The following PRH1 variants were observed in gnomAD, a reference collection of about 807,000 sequenced individuals.
The protein encoded by PRH1 is proline rich protein HaeIII subfamily 1, also known as salivary acidic proline-rich phosphoprotein 1/2.
PRH1 carries 7 observed loss-of-function variants against 7.9 expected under a neutral mutation model. That is an observed-to-expected ratio of 0.89 (90% CI 0.50 to 1.67). The LOEUF (loss-of-function observed/expected upper bound fraction) is 1.67. Ranked by LOEUF, PRH1 falls within the 40% of genes most tolerant of loss-of-function variation. PRH1 has a pLI of 0.00. For missense variants in PRH1, 109 were observed against 223.6 expected, an observed-to-expected ratio of 0.49 and a Z score of 3.27; for synonymous variants, 45 against 80.8, an observed-to-expected ratio of 0.56 and a Z score of 2.38.
intron 1 of PRH1, among the ~76,000 whole-genome samples, chr12:11,059,371 A>G (rs1943493973): frequency 6.6e-6 from 1 of 152,146 alleles, no homozygotes; most frequent in Non-Finnish European, 1.5e-5. Flanking sequence ...TATCCTTGCC[A>G]TTTTTGTCTT....
chr12:11,170,486 G>T (rs978777506), intron 1 of PRH1, among the ~76,000 whole-genome samples: 11 of 152,246 alleles, frequency 7.2e-5, no homozygotes, highest in Non-Finnish European at 1.3e-4. Flanking sequence ...GGCGGAGCTT[G>T]CAGTGAGCCG....
chr12:11,037,539 TATTTA>T (rs1369923291), intron 1 of PRH1, among the ~76,000 whole-genome samples: 24 of 152,352 alleles, frequency 1.6e-4, no homozygotes, highest in African/African-American at 4.3e-4. Flanking sequence ...TGGATATATT[TATTTA>T]ATTTAATATC....
chr12:11,083,531 A>AAC lies in PRH1; in HGVS notation n.124-36345_124-36344dup, dbSNP rs1198599283. ...AAATATTTTTATTATTGTGAAACAT[A>AAC]ACATACATATATATATAAAGTAATA... is the stretch of plus-strand genomic sequence containing the variant. On this transcript the variant is annotated intron_variant and non_coding_transcript_variant, in intron 1 of 4. Transcript: ENST00000541977. Among the ~76,000 whole-genome samples, 5 of 13,110 alleles carry AAC rather than the reference A, an allele frequency of 3.8e-4. No homozygotes were observed. In the East Asian group the frequency reaches 8.7e-3, roughly 23 times the overall value. The allele number at this position is 13,110 out of a possible 152,430, so 8.6% of individuals were successfully genotyped here.
At chr12:10,964,895 A>G (rs570561048) in intron 2 of PRH1, 3 of 572,378 alleles carry the variant, frequency 5.2e-6, no homozygotes, top group Non-Finnish European at 6.5e-6. Context: ...TTTTGTCCAC[A>G]TACTCTCATC....
intron 2 of PRH1, among the ~76,000 whole-genome samples, chr12:10,902,860 G>T (rs1949742888): frequency 6.6e-6 from 1 of 152,114 alleles, no homozygotes; most frequent in South Asian, 2.1e-4. Flanking sequence ...TCTTACAAGA[G>T]ATCCTTAAGG....
intron 2 of PRH1, among the ~76,000 whole-genome samples, chr12:10,902,204 A>C (rs1032906712): frequency 1.3e-5 from 2 of 152,128 alleles, no homozygotes; most frequent in Admixed American, 1.3e-4. Context: ...AACTTACTTA[A>C]GGAATTATAA....
At chr12:10,920,215 A>C (rs1482136600) in intron 2 of PRH1, among the ~76,000 whole-genome samples, 1 of 150,748 alleles carries the variant, frequency 6.6e-6, no homozygotes, top group Non-Finnish European at 1.5e-5. Flanking sequence ...CTTGCTATCT[A>C]CTGGATACCC....
intron 1 of PRH1, among the ~76,000 whole-genome samples, chr12:11,045,903 T>G (rs2136135898): frequency 6.6e-6 from 1 of 152,278 alleles, no homozygotes; most frequent in Admixed American, 6.5e-5. Context: ...TAAATAAATA[T>G]AACTTTTATT....
intron 2 of PRH1, among the ~76,000 whole-genome samples, chr12:10,936,538 T>G (rs1950291477): frequency 6.6e-6 from 1 of 152,054 alleles, no homozygotes; most frequent in South Asian, 2.1e-4. Flanking sequence ...CCCCAAAACT[T>G]TCCTTTATGT....
chr12:11,091,752 C>T, intron 1 of PRH1: 1 of 1,329,628 alleles, frequency 7.5e-7, no homozygotes. Context: ...GTCATGTTTC[C>T]TTCAAATTCT....
intron 1 of PRH1, among the ~76,000 whole-genome samples, chr12:11,163,065 T>G (rs1456226404): frequency 1.3e-5 from 2 of 152,196 alleles, no homozygotes; most frequent in Non-Finnish European, 2.9e-5. Flanking sequence ...AGAATGGTAT[T>G]GTCAAAAGCT....
intron 1 of PRH1, among the ~76,000 whole-genome samples, chr12:11,032,519 C>T (rs1427673706): frequency 6.6e-6 from 1 of 152,112 alleles, no homozygotes; most frequent in African/African-American, 2.4e-5. Context: ...ATGTGCACAC[C>T]ACTTATGAAT....
intron 1 of PRH1, among the ~76,000 whole-genome samples, chr12:11,146,239 T>C (rs1222728185): frequency 6.6e-5 from 10 of 151,072 alleles, no homozygotes; most frequent in Non-Finnish European, 1.0e-4. Context: ...AGTCTTTTTC[T>C]AGTATTCATT....
intron 1 of PRH1, among the ~76,000 whole-genome samples, chr12:11,156,742 A>G (rs1947260821): frequency 6.6e-6 from 1 of 152,172 alleles, no homozygotes; most frequent in Non-Finnish European, 1.5e-5. Context: ...AATACTCATA[A>G]TACCAAATTC....
intron 1 of PRH1, among the ~76,000 whole-genome samples, chr12:11,137,093 G>T (rs558809406): frequency 6.6e-6 from 1 of 152,004 alleles, no homozygotes; most frequent in East Asian, 1.9e-4. Context: ...TCTGTTGCTG[G>T]GTCATCACCA....
chr12:10,954,564 C>T (rs185601558), intron 2 of PRH1, among the ~76,000 whole-genome samples: 1 of 152,300 alleles, frequency 6.6e-6, no homozygotes, highest in East Asian at 1.9e-4. Context: ...ACCTCCTGGT[C>T]TCAAGAAATC....
chr12:10,911,770 A>G (rs895579742), intron 2 of PRH1, among the ~76,000 whole-genome samples: 5 of 152,204 alleles, frequency 3.3e-5, no homozygotes, highest in African/African-American at 1.2e-4. Flanking sequence ...TAACAAATAT[A>G]GAACATTTAA....
At chr12:10,951,047 C>T (rs565821470) in intron 2 of PRH1, among the ~76,000 whole-genome samples, 10 of 152,220 alleles carry the variant, frequency 6.6e-5, no homozygotes, top group African/African-American at 1.7e-4. Context: ...AATAGGAAAG[C>T]GCTAGGGCAT....
chr12:11,171,594 C>T, upstream of PRH1: 2 of 1,223,366 alleles, frequency 1.6e-6, no homozygotes, highest in Non-Finnish European at 2.0e-6. Flanking sequence ...CCTCCGGGGC[C>T]AGCATGATGG....
Sources: gnomAD v4.1 joint callset for allele counts (sites outside exome capture counted in the v4.1 genomes callset) on GRCh38, gnomAD v4.1.1 for gene constraint, MANE v1.5 for transcripts, NCBI Gene and HGNC (gene_info 2026-07-23, HGNC 2026-07-21) for gene names.